Variants in ADGRB3 observed in about 807,000 individuals in gnomAD.
The protein encoded by ADGRB3 is adhesion G protein-coupled receptor B3.
In ADGRB3, 37 loss-of-function variants were observed where a neutral mutation model predicts 193.4. That is an observed-to-expected ratio of 0.19 (90% confidence interval 0.15 to 0.25). The LOEUF is 0.25. ADGRB3 is among the 10% of genes least tolerant of loss of function. ADGRB3 has a pLI of 1.00. For synonymous variants in ADGRB3, 690 were observed against 644.2 expected, an observed-to-expected ratio of 1.07 and a Z score of -1.08; for missense variants, 1,637 against 1,852.9, an observed-to-expected ratio of 0.88 and a Z score of 2.14.
intron 3 of ADGRB3, among the ~76,000 whole-genome samples, chr6:68,897,761 A>AG (rs113624677): frequency 0.99 from 126,888 of 127,978 alleles, 62,917 homozygotes; most frequent in East Asian, 1. Context: ...GAGGGAGGAA[A>AG]AGGGAGGGAG....
At chr6:69,176,180 A>G (rs1011147602) in intron 17 of ADGRB3, among the ~76,000 whole-genome samples, 2 of 152,122 alleles carry the variant, frequency 1.3e-5, no homozygotes, top group East Asian at 1.9e-4. Flanking sequence ...TATGTTGTAT[A>G]GGAGTGGTGA....
chr6:69,216,718 C>T (rs943445588), intron 17 of ADGRB3, among the ~76,000 whole-genome samples: 4 of 152,126 alleles, frequency 2.6e-5, no homozygotes, highest in East Asian at 1.9e-4. Flanking sequence ...CAGAAAGAAT[C>T]GGCTTGGACA....
chr6:68,684,882 G>A lies in ADGRB3; in HGVS notation c.757+45450G>A, dbSNP rs115392848. On this transcript the variant is annotated intron_variant, in intron 3 of 31. Transcript: ENST00000370598. ...GACTTGGCTCCTGAGTATCATAAGA[G>A]CATGGGGTAACATGATGGACAAACT... Among the ~76,000 whole-genome samples, 478 of 151,978 alleles carry A rather than the reference G, an allele frequency of 3.1e-3. 4 individuals carry two copies. Among genetic ancestry groups the A allele is most frequent in the African/African-American group, 0.011 (467 of 41,460 alleles).
chr6:68,855,623 G>C (rs1389550048), intron 3 of ADGRB3, among the ~76,000 whole-genome samples: 1 of 151,980 alleles, frequency 6.6e-6, no homozygotes, highest in Non-Finnish European at 1.5e-5. Context: ...ACACATGTTA[G>C]ATGATTAAAA....
At chr6:69,104,291 G>T (rs1309635565) in intron 17 of ADGRB3, among the ~76,000 whole-genome samples, 1 of 149,812 alleles carries the variant, frequency 6.7e-6, no homozygotes, top group African/African-American at 2.5e-5. Context: ...GCGGTGTTTG[G>T]TTTTTTGTTC....
At chr6:68,783,028 C>T (rs911634668) in intron 3 of ADGRB3, among the ~76,000 whole-genome samples, 3 of 151,692 alleles carry the variant, frequency 2.0e-5, no homozygotes, top group Admixed American at 6.6e-5. Flanking sequence ...CCATTATTGC[C>T]GCTGCTAATG....
At position 69,368,420 on chromosome 6, in the gene ADGRB3, T is replaced by C. The variant is rs113168599; in HGVS notation, c.4240-3986T>C. 2.6e-3 allele frequency among the ~76,000 whole-genome samples: 390 copies of C among 152,182 alleles called. 3 individuals carry two copies. The highest frequency in any genetic ancestry group is 9.1e-3 in the African/African-American group (376 of 41,540). ...AGATAGAACAGATGGCACATGCTGG[T>C]GGATTGAATGTGGAAAACGAGGGAC... On this transcript the variant is annotated intron_variant, in intron 29 of 31. Coordinates refer to ENST00000370598, the MANE Select transcript of ADGRB3 (RefSeq NM_001704.3).
In ADGRB3 at chr6:68,639,373, A is replaced by G; in HGVS notation, c.698A>G (p.Glu233Gly). 6.2e-7 allele frequency: 1 copy of G among 1,613,986 alleles called. No individual in the cohort carries two copies. Among genetic ancestry groups the G allele is most frequent in the Non-Finnish European group, 8.5e-7 (1 of 1,180,026 alleles). Reference protein sequence around the residue: ...NEQTEGCLTQELQTTQVCNLT... With the variant: ...NEQTEGCLTQGLQTTQVCNLT... ...CAGACAGAGGGCTGCCTGACCCAGG[A>G]GCTGCAAACCACCCAAGTCTGCAAT... is the stretch of plus-strand genomic sequence containing the variant. Residue 233 changes from glutamate (E) to glycine (G), a missense_variant, in exon 3 of 32, where the codon GAG becomes GGG. Glu to Gly is a moderately conservative substitution (Grantham distance 98). Coordinates refer to ENST00000370598, the MANE Select transcript of ADGRB3 (RefSeq NM_001704.3).
At chr6:69,213,308 C>A (rs1004152296) in intron 17 of ADGRB3, among the ~76,000 whole-genome samples, 4 of 152,156 alleles carry the variant, frequency 2.6e-5, no homozygotes, top group Non-Finnish European at 4.4e-5. Flanking sequence ...GGTAACCTAC[C>A]TATTTCCCTG....
intron 3 of ADGRB3, among the ~76,000 whole-genome samples, chr6:68,667,000 A>T (rs1229094615): frequency 6.6e-6 from 1 of 151,794 alleles, no homozygotes; most frequent in Non-Finnish European, 1.5e-5. Context: ...CTACTTGGAA[A>T]ATTGTAGTTG....
chr6:68,839,878 A>G (rs1768117573), intron 3 of ADGRB3, among the ~76,000 whole-genome samples: 1 of 152,130 alleles, frequency 6.6e-6, no homozygotes, highest in Admixed American at 6.6e-5. Context: ...GGGCATGGAA[A>G]CAAAATCTTG....
chr6:68,930,604 G>A lies in ADGRB3; in HGVS notation c.803G>A (p.Arg268Gln), dbSNP rs140095141. 1 of 1,612,702 alleles carries A rather than the reference G, an allele frequency of 6.2e-7. No individual in the cohort carries two copies. The highest frequency in any genetic ancestry group is 1.3e-5 in the African/African-American group (1 of 74,952). Residue 268 changes from arginine (R) to glutamine (Q), a missense_variant, in exon 4 of 32, where the codon CGA becomes CAA. Coordinates refer to ENST00000370598, the MANE Select transcript of ADGRB3 (RefSeq NM_001704.3). ...CATACAATTAAAAGTCAGCGACCTCGATCTGTTCATGAAAAAAGGGTCCCT... is the reference window on the plus strand; with the variant it reads ...CATACAATTAAAAGTCAGCGACCTCAATCTGTTCATGAAAAAAGGGTCCCT... ...GDHTIKSQRP[R>Q]SVHEKRVPQE...
intron 11 of ADGRB3, among the ~76,000 whole-genome samples, chr6:68,995,111 A>G (rs1003172782): frequency 2.0e-5 from 3 of 152,232 alleles, no homozygotes; most frequent in Non-Finnish European, 4.4e-5. Context: ...TTGTAAAAGT[A>G]CATTGCCTGG....
At chr6:69,091,019 G>T (rs186823733) in intron 17 of ADGRB3, among the ~76,000 whole-genome samples, 201 of 152,234 alleles carry the variant, frequency 1.3e-3, no homozygotes, top group Non-Finnish European at 1.9e-3. Flanking sequence ...CATACATGCA[G>T]CCAATAATCA....
intron 3 of ADGRB3, among the ~76,000 whole-genome samples, chr6:68,760,788 T>G (rs748358439): frequency 3.3e-5 from 5 of 152,116 alleles, no homozygotes; most frequent in Non-Finnish European, 7.4e-5. Context: ...TCTAGCTAGA[T>G]TCAATGTCCA....
At chr6:69,001,440 A>C (rs1769573840) in intron 11 of ADGRB3, among the ~76,000 whole-genome samples, 1 of 152,192 alleles carries the variant, frequency 6.6e-6, no homozygotes. Context: ...TACTAAATAT[A>C]AAGATTATTT....
At chr6:69,094,751 C>A (rs971974341) in intron 17 of ADGRB3, among the ~76,000 whole-genome samples, 5 of 152,226 alleles carry the variant, frequency 3.3e-5, no homozygotes, top group African/African-American at 1.2e-4. Flanking sequence ...ATTAAAATCT[C>A]TAGTCAGATA....
At chr6:69,140,934 G>A (rs1159087929) in intron 17 of ADGRB3, among the ~76,000 whole-genome samples, 2 of 151,968 alleles carry the variant, frequency 1.3e-5, no homozygotes, top group Non-Finnish European at 2.9e-5. Flanking sequence ...CACTGTTTTA[G>A]GTATAGCAAT....
At chr6:68,816,598 C>G (rs1482207836) in intron 3 of ADGRB3, among the ~76,000 whole-genome samples, 1 of 151,812 alleles carries the variant, frequency 6.6e-6, no homozygotes, top group Non-Finnish European at 1.5e-5. Flanking sequence ...ATGTTTGATT[C>G]CTTCTCTTTA....
Sources: allele counts gnomAD v4.1 joint callset (sites outside exome capture counted in the v4.1 genomes callset), GRCh38; gene constraint gnomAD v4.1.1; transcripts MANE v1.5; gene names NCBI Gene and HGNC (gene_info 2026-07-23, HGNC 2026-07-21).